The following TRAPPC9 variants were observed in gnomAD, a reference collection of about 807,000 sequenced individuals.
TRAPPC9 encodes trafficking protein particle complex subunit 9.
A neutral mutation model predicts 124.0 loss-of-function variants in TRAPPC9; 83 were observed. The ratio of observed to expected loss-of-function variants is 0.67; its 90% CI spans 0.56 to 0.80. The LOEUF (loss-of-function observed/expected upper bound fraction) is 0.80. TRAPPC9 is among the 30% of genes least tolerant of loss of function. The pLI is 0.00. For missense variants in TRAPPC9, 1,302 were observed against 1,508.3 expected (o/e 0.86, Z 2.27); for synonymous variants, 638 against 617.5 (o/e 1.03, Z -0.49).
At chr8:140,272,713 A>G (rs905631957) in intron 15 of TRAPPC9, among the ~76,000 whole-genome samples, 4 of 152,034 alleles carry the variant, frequency 2.6e-5, no homozygotes, top group South Asian at 2.1e-4. Context: ...AAGCGGGAGC[A>G]GGCAGTCACA....
chr8:140,123,781 G>A (rs887071554), intron 17 of TRAPPC9, among the ~76,000 whole-genome samples: 1 of 152,248 alleles, frequency 6.6e-6, no homozygotes, highest in Non-Finnish European at 1.5e-5. Context: ...GGGCCAAACA[G>A]TGCCTGGCCA....
intron 21 of TRAPPC9, among the ~76,000 whole-genome samples, chr8:139,858,823 C>CGGG (rs5895623): frequency 6.7e-6 from 1 of 149,336 alleles, no homozygotes; most frequent in African/African-American, 2.5e-5. Flanking sequence ...ACTGTGAATC[C>CGGG]GGGGGGGGCA....
chr8:139,737,906 C>T (rs1361807909), intron 21 of TRAPPC9, among the ~76,000 whole-genome samples: 3 of 152,274 alleles, frequency 2.0e-5, no homozygotes, highest in East Asian at 1.9e-4. Flanking sequence ...AGAACTAGGA[C>T]GGGGATGCTT....
chr8:139,795,477 C>T (rs1822987245), intron 21 of TRAPPC9, among the ~76,000 whole-genome samples: 1 of 148,782 alleles, frequency 6.7e-6, no homozygotes, highest in Non-Finnish European at 1.5e-5. Context: ...GTGATTCAAA[C>T]ACAGCTTTTC....
intron 17 of TRAPPC9, among the ~76,000 whole-genome samples, chr8:140,150,380 T>C (rs1015743048): frequency 1.3e-5 from 2 of 151,912 alleles, no homozygotes; most frequent in African/African-American, 4.8e-5. Context: ...ACCCAGGAGG[T>C]AGAGGCTGCA....
intron 21 of TRAPPC9, among the ~76,000 whole-genome samples, chr8:139,829,017 C>T (rs1825805344): frequency 6.6e-6 from 1 of 152,162 alleles, no homozygotes. Context: ...CTTAAAAATT[C>T]CTACATTTGG....
chr8:140,011,469 C>T (rs972875257), intron 18 of TRAPPC9, among the ~76,000 whole-genome samples: 5 of 149,152 alleles, frequency 3.4e-5, no homozygotes, highest in Admixed American at 6.7e-5. Flanking sequence ...AACAGATACT[C>T]GTCTCTACTT....
intron 21 of TRAPPC9, among the ~76,000 whole-genome samples, chr8:139,861,818 A>T (rs9886647): frequency 0.28 from 42,755 of 151,754 alleles, 6,611 homozygotes; most frequent in East Asian, 0.49. Context: ...GCCTGCCATG[A>T]TCCAGTGCTG....
chr8:139,805,297 G>A (rs992040144), intron 21 of TRAPPC9, among the ~76,000 whole-genome samples: 1 of 152,188 alleles, frequency 6.6e-6, no homozygotes, highest in Non-Finnish European at 1.5e-5. Flanking sequence ...CTGGAAGTCT[G>A]AAAACTCCAG....
chr8:140,368,021 A>T (rs1305272325), intron 8 of TRAPPC9, among the ~76,000 whole-genome samples: 4 of 152,182 alleles, frequency 2.6e-5, no homozygotes, highest in Non-Finnish European at 5.9e-5. Context: ...AGCACACCTT[A>T]TCCATCTTTG....
intron 10 of TRAPPC9, among the ~76,000 whole-genome samples, chr8:140,308,139 C>T (rs1296535198): frequency 6.6e-6 from 1 of 151,936 alleles, no homozygotes; most frequent in Non-Finnish European, 1.5e-5. Context: ...GAGATAAAGC[C>T]TCAACGAAGG....
chr8:140,233,497 C>A (rs367692615), intron 16 of TRAPPC9, among the ~76,000 whole-genome samples: 2 of 151,966 alleles, frequency 1.3e-5, no homozygotes, highest in African/African-American at 4.8e-5. Context: ...AGACACCGTG[C>A]CCAGCCTCAA....
chr8:139,739,263 C>G (rs1818402848), intron 21 of TRAPPC9, among the ~76,000 whole-genome samples: 1 of 152,192 alleles, frequency 6.6e-6, no homozygotes, highest in Non-Finnish European at 1.5e-5. Context: ...CGTCCGGTGC[C>G]CATGCAGTTG....
At position 140,259,835 on chromosome 8, in the gene TRAPPC9, C is replaced by T. The variant is rs151285128; in HGVS notation, c.2279-6906G>A. Reference sequence around the variant, plus strand: ...TGCAATGGCTCACAGGGCCTGGCCACCAGCAGGCACTCAACAGTGCATGAG... The same window carrying T: ...TGCAATGGCTCACAGGGCCTGGCCATCAGCAGGCACTCAACAGTGCATGAG... On this transcript the variant is annotated intron_variant, in intron 15 of 22. Coordinates refer to ENST00000438773, the MANE Select transcript of TRAPPC9 (RefSeq NM_001160372.4). Among the ~76,000 whole-genome samples, 682 of 152,320 alleles carry T rather than the reference C, an allele frequency of 4.5e-3. 2 individuals are homozygous for T. The highest frequency in any genetic ancestry group is 7.3e-3 in the Non-Finnish European group (494 of 68,028).
Position 139,907,856 on chromosome 8 carries a change from G to A in TRAPPC9, c.2964+2291C>T, listed in dbSNP as rs1831457600. On this transcript the variant is annotated intron_variant, in intron 20 of 22. Transcript: ENST00000438773. This position sits in a 1 kb window ranked among gnomAD's most constrained non-coding sequence, Gnocchi z 4.7. ...CTATCATCCCATTAGAAGGCAGCAT[G>A]TGCTGGGCGGGGACTGCAGGCTGGC... Among the ~76,000 whole-genome samples, 1 of 152,240 alleles carries A rather than the reference G, an allele frequency of 6.6e-6. No homozygotes were observed. Among genetic ancestry groups the A allele is most frequent in the Non-Finnish European group, 1.5e-5 (1 of 68,042 alleles).
At chr8:139,849,771 T>C (rs1827329847) in intron 21 of TRAPPC9, among the ~76,000 whole-genome samples, 1 of 152,220 alleles carries the variant, frequency 6.6e-6, no homozygotes, top group Non-Finnish European at 1.5e-5. Flanking sequence ...TGTCCTCATT[T>C]TACAGAGGAT....
At chr8:139,755,731 T>G (rs1477067071) in intron 21 of TRAPPC9, among the ~76,000 whole-genome samples, 5 of 115,164 alleles carry the variant, frequency 4.3e-5, no homozygotes, top group Non-Finnish European at 7.1e-5. Flanking sequence ...AGCCAGGGTT[T>G]GGGGATGAGG....
At chr8:140,328,394 T>G (rs150293821) in intron 9 of TRAPPC9, among the ~76,000 whole-genome samples, 1 of 152,206 alleles carries the variant, frequency 6.6e-6, no homozygotes, top group Non-Finnish European at 1.5e-5. Context: ...GGCATGGTTA[T>G]GTGTCAGATG....
intron 17 of TRAPPC9, among the ~76,000 whole-genome samples, chr8:140,170,232 G>GT (rs1364510401): frequency 6.6e-6 from 1 of 152,202 alleles, no homozygotes. Context: ...TGTCACACAT[G>GT]TGAGAGCCAT....
Sources: allele counts gnomAD v4.1 joint callset (sites outside exome capture counted in the v4.1 genomes callset), GRCh38; gene constraint gnomAD v4.1.1; non-coding constraint Gnocchi (gnomAD v3.1); transcripts MANE v1.5; gene names NCBI Gene and HGNC (gene_info 2026-07-23, HGNC 2026-07-21).